The following NTN1 variants were observed in gnomAD, a reference collection of about 807,000 sequenced individuals.
NTN1 encodes netrin-1.
NTN1 carries 11 observed loss-of-function variants against 54.2 expected under a neutral mutation model. The observed-to-expected ratio is 0.20, with a 90% CI of 0.13 to 0.34. The LOEUF (loss-of-function observed/expected upper bound fraction) is 0.34. NTN1 is among the 10% of genes least tolerant of loss of function. The probability of loss-of-function intolerance (pLI) is 1.00; values close to 1 mark genes in which losing one functional copy is unlikely to be tolerated. For synonymous variants in NTN1, 371 were observed against 382.0 expected (o/e 0.97, Z 0.33); for missense variants, 740 against 893.1 (o/e 0.83, Z 2.18).
At chr17:9,238,661 T>C (rs1906078098) in intron 6 of NTN1, among the ~76,000 whole-genome samples, 1 of 152,214 alleles carries the variant, frequency 6.6e-6, no homozygotes, top group Non-Finnish European at 1.5e-5. Flanking sequence ...CTCTGAAAAG[T>C]CTTGCAGTAA....
At chr17:9,073,782 G>T (rs908312746) in intron 2 of NTN1, among the ~76,000 whole-genome samples, 1 of 152,222 alleles carries the variant, frequency 6.6e-6, no homozygotes, top group Admixed American at 6.5e-5. Flanking sequence ...CACTTGGTGG[G>T]TGCCTGGCTC....
intron 6 of NTN1, among the ~76,000 whole-genome samples, chr17:9,226,899 G>T (rs1905583016): frequency 6.6e-6 from 1 of 151,916 alleles, no homozygotes; most frequent in Non-Finnish European, 1.5e-5. Flanking sequence ...GCACACACCT[G>T]AAACCACAGC....
At chr17:9,141,927 T>C (rs955048015) in intron 2 of NTN1, among the ~76,000 whole-genome samples, 1 of 152,068 alleles carries the variant, frequency 6.6e-6, no homozygotes, top group Admixed American at 6.5e-5. Context: ...CTGGGCGTAC[T>C]CAGGAGTTCG....
intron 2 of NTN1, among the ~76,000 whole-genome samples, chr17:9,162,226 C>T (rs537177122): frequency 6.6e-6 from 1 of 152,182 alleles, no homozygotes; most frequent in Non-Finnish European, 1.5e-5. Flanking sequence ...GGAGGCCAGG[C>T]TGGCAGCAGG....
chr17:9,229,026 CTGTG>C (rs10551762), intron 6 of NTN1, among the ~76,000 whole-genome samples: 1,949 of 150,276 alleles, frequency 0.013, 46 homozygotes, highest in African/African-American at 0.045. Flanking sequence ...CTGTGTGAGA[CTGTG>C]TGACTGGGTG....
chr17:9,213,350 CT>C (rs1255037281), intron 5 of NTN1, among the ~76,000 whole-genome samples: 1 of 152,244 alleles, frequency 6.6e-6, no homozygotes, highest in East Asian at 1.9e-4. Flanking sequence ...TCCTGCAGAG[CT>C]GCCAGTATTT....
At chr17:9,184,977 A>G (rs1381575561) in intron 5 of NTN1, among the ~76,000 whole-genome samples, 5 of 152,172 alleles carry the variant, frequency 3.3e-5, no homozygotes, top group Non-Finnish European at 5.9e-5. Flanking sequence ...GTTACTGTTT[A>G]TTTCCTTTCC....
the NTN1 span, among the ~76,000 whole-genome samples, chr17:9,003,945 C>CCGGCCT: frequency 6.6e-6 from 1 of 152,230 alleles, no homozygotes; most frequent in Non-Finnish European, 1.5e-5. This position sits in a 1 kb window ranked among gnomAD's most constrained non-coding sequence, Gnocchi z 7.4. Context: ...CGCGGACCCG[C>CCGGCCT]CGGCCTCGGC....
upstream of NTN1, among the ~76,000 whole-genome samples, chr17:9,019,192 C>A (rs1025028137): frequency 2.0e-5 from 3 of 152,146 alleles, no homozygotes; most frequent in Non-Finnish European, 4.4e-5. Flanking sequence ...TGTTCTCTTA[C>A]TTCATATTTT....
intron 3 of NTN1, among the ~76,000 whole-genome samples, chr17:9,168,173 G>T (rs1054058892): frequency 3.3e-5 from 5 of 152,190 alleles, no homozygotes; most frequent in African/African-American, 1.2e-4. Flanking sequence ...GATCATCAAT[G>T]AATTTAAATG....
chr17:9,034,702 G>T (rs1213467176), intron 2 of NTN1, among the ~76,000 whole-genome samples: 2 of 151,574 alleles, frequency 1.3e-5, no homozygotes, highest in Non-Finnish European at 2.9e-5. Context: ...GGATTACAGG[G>T]GTGAGCCACT....
At chr17:9,034,763 A>G (rs1419199178) in intron 2 of NTN1, among the ~76,000 whole-genome samples, 2 of 151,952 alleles carry the variant, frequency 1.3e-5, no homozygotes, top group Non-Finnish European at 2.9e-5. Context: ...AGTGTAACAC[A>G]TGTAGAGAAA....
chr17:9,080,747 G>A (rs1270294914), intron 2 of NTN1, among the ~76,000 whole-genome samples: 1 of 152,160 alleles, frequency 6.6e-6, no homozygotes, highest in Non-Finnish European at 1.5e-5. Flanking sequence ...CTGATCACCC[G>A]TGGCCAATGA....
chr17:9,200,826 T>C (rs1215440899), intron 5 of NTN1, among the ~76,000 whole-genome samples: 2 of 152,174 alleles, frequency 1.3e-5, no homozygotes, highest in Non-Finnish European at 2.9e-5. Context: ...GACACAGAAA[T>C]AGAATATTCT....
intron 2 of NTN1, among the ~76,000 whole-genome samples, chr17:9,144,043 G>T (rs1306863412): frequency 2.0e-5 from 3 of 151,856 alleles, no homozygotes; most frequent in Non-Finnish European, 4.4e-5. Context: ...TTACAGGCAC[G>T]CACCACCATG....
intron 2 of NTN1, among the ~76,000 whole-genome samples, chr17:9,066,040 A>G (rs896993066): frequency 6.6e-6 from 1 of 152,238 alleles, no homozygotes; most frequent in African/African-American, 2.4e-5. Flanking sequence ...GGACACTGCA[A>G]TGTAATTGTA....
intron 2 of NTN1, among the ~76,000 whole-genome samples, chr17:9,054,616 C>T (rs1246368718): frequency 6.6e-6 from 1 of 152,198 alleles, no homozygotes; most frequent in African/African-American, 2.4e-5. Flanking sequence ...AGAAATCATT[C>T]AGAACAAGAG....
Position 9,023,210 on chromosome 17 carries a change from G to T in NTN1, c.837G>T (p.Leu279=). 1 of 1,562,848 alleles carries T rather than the reference G, an allele frequency of 6.4e-7. No individual in the cohort carries two copies. The highest frequency in any genetic ancestry group is 1.4e-5 in the African/African-American group (1 of 73,796). ...CGTACTTCTACGCGGTGTCCGACCT[G>T]CAGGTGGGCGGCCGGTGCAAGTGCA... ...RDSYFYAVSD[L]QVGGRCKCNG... is the part of the protein sequence containing the mutation. The change falls in exon 2 of 7, where the codon CTG becomes CTT. Residue 279 remains leucine, a synonymous_variant. Transcript: ENST00000173229.
At chr17:9,235,750 C>CTT (rs1163805143) in intron 6 of NTN1, among the ~76,000 whole-genome samples, 2 of 50,840 alleles carry the variant, frequency 3.9e-5, no homozygotes, top group Admixed American at 2.0e-4. Context: ...TTTTTTTTTT[C>CTT]TTTTTTTTTT....
Sources: gnomAD v4.1 joint callset for allele counts (sites outside exome capture counted in the v4.1 genomes callset) on GRCh38, gnomAD v4.1.1 for gene constraint, Gnocchi (gnomAD v3.1) non-coding constraint, MANE v1.5 for transcripts, NCBI Gene and HGNC (gene_info 2026-07-23, HGNC 2026-07-21) for gene names.